DIP2A: variants seen among roughly 807,000 people sequenced by gnomAD.
The protein encoded by DIP2A is disco-interacting protein 2 homolog A.
DIP2A carries 85 observed loss-of-function variants against 177.4 expected under a neutral mutation model. The observed-to-expected ratio is 0.48, with a 90% CI of 0.40 to 0.57. The LOEUF is 0.57. Among genes scored for constraint, DIP2A ranks in the 20% least tolerant of loss-of-function variants. DIP2A has a pLI of 0.00. For missense variants in DIP2A, 1,791 were observed against 2,100.2 expected (o/e 0.85, Z 2.88); for synonymous variants, 886 against 881.8 (o/e 1.00, Z -0.08).
Position 46,498,939 on chromosome 21 carries a change from C to A in DIP2A, c.655+106C>A. 1 of 1,395,666 alleles carries A rather than the reference C, an allele frequency of 7.2e-7. No individual in the cohort carries two copies. The highest frequency in any genetic ancestry group is 9.5e-7 in the Non-Finnish European group (1 of 1,053,182). The allele number at this position is 1,395,666 out of a possible 1,614,324, so 86.5% of individuals were successfully genotyped here. A position where few individuals can be genotyped will look rare whatever the true frequency, so the allele number is the denominator to read the frequency against. ...CCTGAGCCAGGCGCCACCCTGCAGA[C>A]TTAGCTGCAGGCCTGAGTGCTCTCC... On this transcript the variant is annotated intron_variant, in intron 5 of 37. Coordinates refer to ENST00000417564, the MANE Select transcript of DIP2A (RefSeq NM_015151.4). The surrounding 1 kb of genome is among the most constrained non-coding windows in gnomAD (Gnocchi z 4.3).
intron 1 of DIP2A, among the ~76,000 whole-genome samples, chr21:46,462,112 A>G (rs1453997260): frequency 6.6e-6 from 1 of 152,184 alleles, no homozygotes; most frequent in Non-Finnish European, 1.5e-5. Context: ...AAGGAGGTGG[A>G]AGCTCTGGCT....
Position 46,558,233 on chromosome 21 carries a change from T to C in DIP2A, c.3809T>C (p.Val1270Ala). 1 of 1,611,524 alleles carries C rather than the reference T, an allele frequency of 6.2e-7. No individual in the cohort carries two copies. Among genetic ancestry groups the C allele is most frequent in the Non-Finnish European group, 8.5e-7 (1 of 1,179,370 alleles). The change falls in exon 32 of 38, where the codon GTG becomes GCG. Residue 1270 changes from valine to alanine, a missense_variant. Physicochemically the swap from Val to Ala is moderately conservative, Grantham distance 64. Transcript: ENST00000417564. ...TCACCCCTCCCGCAGATGAAGGGGG[T>C]GAACCTGTCATGTGTGCGCACGTGC... is the stretch of plus-strand genomic sequence containing the variant. ...AQTGVLRMKG[V>A]NLSCVRTCMV...
At chr21:46,527,024 G>A (rs1040530652) in intron 8 of DIP2A, among the ~76,000 whole-genome samples, 2 of 147,610 alleles carry the variant, frequency 1.4e-5, no homozygotes, top group African/African-American at 5.4e-5. Flanking sequence ...TTTATTCTGA[G>A]TTTAAGAAGA....
chr21:46,533,987 C>T lies in DIP2A; in HGVS notation c.1430-17C>T, dbSNP rs779157717. 3 of 1,605,834 alleles carry T rather than the reference C, an allele frequency of 1.9e-6. No individual in the cohort carries two copies. The highest frequency in any genetic ancestry group is 2.6e-6 in the Non-Finnish European group (3 of 1,174,566). ...CTCTGACTGCTTGCTGTTCTGTGTC[C>T]TGTCTGTGTGTCACAGGTTGGCCCC... On this transcript the variant is annotated splice_polypyrimidine_tract_variant and intron_variant, in intron 11 of 37. Transcript: ENST00000417564.
chr21:46,536,637 C>T (rs1276312367), intron 13 of DIP2A, among the ~76,000 whole-genome samples: 1 of 152,186 alleles, frequency 6.6e-6, no homozygotes, highest in African/African-American at 2.4e-5. Context: ...AGTGCGGTGA[C>T]TTACACCTGT....
At chr21:46,555,103 C>T (rs949928558) in intron 28 of DIP2A, among the ~76,000 whole-genome samples, 170 bp downstream of exon 28, 2 of 152,290 alleles carry the variant, frequency 1.3e-5, no homozygotes, top group African/African-American at 4.8e-5. Context: ...GGGTCCCTGT[C>T]CCATGTGTAA....
intron 19 of DIP2A, among the ~76,000 whole-genome samples, chr21:46,545,477 A>T (rs560556786): frequency 6.6e-6 from 1 of 152,318 alleles, no homozygotes; most frequent in South Asian, 2.1e-4. Flanking sequence ...AGGACCAGGC[A>T]TGCTGTGGAG....
chr21:46,555,974 T>C lies in DIP2A; in HGVS notation c.3389-8T>C, dbSNP rs191037886. ...ACACTAATGTTGCTGGTGTCTCCTG[T>C]TTAACAGATGACATCCCAAAAAAGA... is the stretch of plus-strand genomic sequence containing the variant. On this transcript the variant is annotated splice_polypyrimidine_tract_variant and splice_region_variant and intron_variant, in intron 28 of 37. Coordinates refer to ENST00000417564, the MANE Select transcript of DIP2A (RefSeq NM_015151.4). 5.0e-6 allele frequency: 8 copies of C among 1,605,868 alleles called. No homozygotes were observed.
chr21:46,483,021 G>A (rs1219518600), intron 1 of DIP2A, among the ~76,000 whole-genome samples: 1 of 152,180 alleles, frequency 6.6e-6, no homozygotes, highest in Non-Finnish European at 1.5e-5. Flanking sequence ...GGTGTGGGTG[G>A]TGGCTGGCTG....
At chr21:46,512,419 T>C (rs9981272) in intron 8 of DIP2A, among the ~76,000 whole-genome samples, 24,314 of 152,216 alleles carry the variant, frequency 0.16, 2,201 homozygotes, top group African/African-American at 0.21. Flanking sequence ...GCAGTGAGTA[T>C]GTGAGGGGTT....
At chr21:46,540,507 G>A (rs114659371) in intron 17 of DIP2A, among the ~76,000 whole-genome samples, 5,503 of 152,140 alleles carry the variant, frequency 0.036, 152 homozygotes, top group Middle Eastern at 0.082. Flanking sequence ...GTGTGGGTGC[G>A]GGGCTGCTGG....
At chr21:46,470,721 A>G (rs1159998430) in intron 1 of DIP2A, among the ~76,000 whole-genome samples, 1 of 150,616 alleles carries the variant, frequency 6.6e-6, no homozygotes, top group African/African-American at 2.4e-5. Context: ...CAGAGATCAC[A>G]CCATTGCACT....
At chr21:46,583,090 A>G in the DIP2A span, among the ~76,000 whole-genome samples, 1 of 152,226 alleles carries the variant, frequency 6.6e-6, no homozygotes, top group Non-Finnish European at 1.5e-5. Flanking sequence ...AGCAGCCACA[A>G]GAAAGCTGGA....
intron 8 of DIP2A, among the ~76,000 whole-genome samples, chr21:46,527,209 A>G (rs1321397699): frequency 6.6e-6 from 1 of 152,044 alleles, no homozygotes; most frequent in African/African-American, 2.4e-5. Flanking sequence ...TGACTTGGTC[A>G]TGATGCATTA....
chr21:46,489,615 T>G (rs2056892914), intron 2 of DIP2A, among the ~76,000 whole-genome samples: 1 of 152,212 alleles, frequency 6.6e-6, no homozygotes, highest in African/African-American at 2.4e-5. Context: ...GGGCAGTCAC[T>G]GACCTGCCCA....
chr21:46,556,906 C>CTTT lies in DIP2A; in HGVS notation c.3499-24_3499-22dup. 8.8e-7 allele frequency: 1 copy of CTTT among 1,131,408 alleles called. No individual in the cohort carries two copies. The highest frequency in any genetic ancestry group is 1.2e-6 in the Non-Finnish European group (1 of 825,028). 70.1% of individuals were successfully genotyped at this position (1,131,408 alleles called of 1,614,324 possible). ...CTCTCCCCTCCTGAATTTCATTTCA[C>CTTT]TTTTTTTTTTTGAACTTTATTTTAC... On this transcript the variant is annotated intron_variant, in intron 29 of 37. Transcript: ENST00000417564. This position sits in a 1 kb window ranked among gnomAD's most constrained non-coding sequence, Gnocchi z 4.5.
At chr21:46,530,850 G>A (rs775551783) in intron 9 of DIP2A, among the ~76,000 whole-genome samples, 3 of 152,178 alleles carry the variant, frequency 2.0e-5, no homozygotes, top group Non-Finnish European at 2.9e-5. Flanking sequence ...GATTGGCAAT[G>A]ACAGTGGCTT....
At chr21:46,504,792 AG>A in intron 6 of DIP2A, among the ~76,000 whole-genome samples, 1 of 152,330 alleles carries the variant, frequency 6.6e-6, no homozygotes, top group South Asian at 2.1e-4. Context: ...GGAAATGAGA[AG>A]CTGTGGGAAG....
At chr21:46,561,572 C>T (rs765170686) in intron 33 of DIP2A, 176 bp from the exon 34 acceptor site, 265 of 822,254 alleles carry the variant, frequency 3.2e-4, no homozygotes, top group Non-Finnish European at 4.7e-4. Context: ...CACTTGGGAC[C>T]GCAGCGTGGT....
Sources: allele counts gnomAD v4.1 joint callset (sites outside exome capture counted in the v4.1 genomes callset), GRCh38; gene constraint gnomAD v4.1.1; non-coding constraint Gnocchi (gnomAD v3.1); transcripts MANE v1.5; gene names NCBI Gene and HGNC (gene_info 2026-07-23, HGNC 2026-07-21).